The following CHD5 variants were observed in gnomAD, a reference collection of about 807,000 sequenced individuals.
CHD5 encodes the protein ATP-dependent chromatin remodeler CHD5.
A neutral mutation model predicts 230.3 loss-of-function variants in CHD5; 69 were observed. The observed-to-expected ratio is 0.30, with a 90% CI of 0.25 to 0.37. The LOEUF (loss-of-function observed/expected upper bound fraction) is 0.37, where lower values mean the gene tolerates loss of function less well. CHD5 is among the 10% of genes least tolerant of loss of function. The pLI, the probability that CHD5 is intolerant of heterozygous loss-of-function variation, is 1.00. For missense variants in CHD5, 1,827 were observed against 2,622.8 expected (o/e 0.70, Z 6.63); for synonymous variants, 1,064 against 1,065.9 (o/e 1.00, Z 0.03).
rs1666650097 is a variant in CHD5 at position 6,131,111 on chromosome 1, C to T, written c.3262+520G>A. Among the ~76,000 whole-genome samples, 1 of 152,236 alleles carries T rather than the reference C, an allele frequency of 6.6e-6. No homozygotes were observed. Among genetic ancestry groups the T allele is most frequent in the Non-Finnish European group, 1.5e-5 (1 of 68,034 alleles). ...CTGAAGCTTACAGCCGACTGCTTCC[C>T]ACTCCAGAAGTTTCTTTTGCTACAG... On this transcript the variant is annotated intron_variant, in intron 21 of 41. Transcript: ENST00000262450. The surrounding 1 kb of genome is among the most constrained non-coding windows in gnomAD (Gnocchi z 5.0).
At position 6,148,857 on chromosome 1, in the gene CHD5, A is replaced by G; in HGVS notation, c.1380T>C (p.Cys460=). 6.4e-7 allele frequency: 1 copy of G among 1,554,042 alleles called. No homozygotes were observed. Among genetic ancestry groups the G allele is most frequent in the Non-Finnish European group, 8.7e-7 (1 of 1,148,798 alleles). Residue 460 remains cysteine, a synonymous_variant, in exon 9 of 42, where the codon TGT becomes TGC. Transcript: ENST00000262450. The part of the protein sequence containing the change: ...IPNGEWLCPR[C]TCPPLKGKVQ... ...GCGGGGCGGGCGGAACACTCACAGTACAGCGCGGGCAGAGCCATTCACCGT... is the reference window on the plus strand; with the variant it reads ...GCGGGGCGGGCGGAACACTCACAGTGCAGCGCGGGCAGAGCCATTCACCGT...
chr1:6,156,030 C>T (rs1359120773), intron 3 of CHD5, among the ~76,000 whole-genome samples: 3 of 152,198 alleles, frequency 2.0e-5, no homozygotes, highest in Non-Finnish European at 4.4e-5. Flanking sequence ...CAGGTGTGGG[C>T]AAGGAGACTG....
At chr1:6,141,362 T>A (rs1666825985) in intron 15 of CHD5, among the ~76,000 whole-genome samples, 1 of 151,550 alleles carries the variant, frequency 6.6e-6, no homozygotes, top group Non-Finnish European at 1.5e-5. Context: ...ACTCCTGCAA[T>A]CCCAGCACTT....
Position 6,105,398 on chromosome 1 carries a change from T to C in CHD5, c.*76A>G. 1 of 470,718 alleles carries C rather than the reference T, an allele frequency of 2.1e-6. No individual in the cohort carries two copies. The highest frequency in any genetic ancestry group is 4.4e-6 in the Non-Finnish European group (1 of 226,926). 29.2% of individuals were successfully genotyped at this position (470,718 alleles called of 1,614,324 possible). A position where few individuals can be genotyped will look rare whatever the true frequency, so the allele number is the denominator to read the frequency against. ...AAGGTGGCAGCTTTTCTCTCCCATG[T>C]GGGTCGGGCAGGTGGCCCGGCAGGC... On this transcript the variant is annotated 3_prime_UTR_variant, in exon 42 of 42. Transcript: ENST00000262450. This position sits in a 1 kb window ranked among gnomAD's most constrained non-coding sequence, Gnocchi z 4.8.
chr1:6,152,261 G>A, intron 6 of CHD5, 151 bp downstream of exon 6: 1 of 809,658 alleles, frequency 1.2e-6, no homozygotes, highest in Non-Finnish European at 1.9e-6. Context: ...CAGCACACCT[G>A]CATGTAGGAT....
intron 38 of CHD5, among the ~76,000 whole-genome samples, chr1:6,107,645 A>ATGGAGGGATGG (rs1666210214): frequency 7.7e-6 from 1 of 129,286 alleles, no homozygotes; most frequent in Non-Finnish European, 1.6e-5. Context: ...TGGAGGGATG[A>ATGGAGGGATGG]AGGGATGATG....
At chr1:6,116,317 G>A (rs1666377645) in intron 33 of CHD5, among the ~76,000 whole-genome samples, 1 of 152,112 alleles carries the variant, frequency 6.6e-6, no homozygotes, top group South Asian at 2.1e-4. Context: ...AGGAATTCCA[G>A]AAGGACAAAA....
chr1:6,105,443 CA>C lies in CHD5; in HGVS notation c.*47-17del. The C allele has an allele frequency of 2.1e-6, 1 of 470,356 alleles. No homozygotes were observed. The highest frequency in any genetic ancestry group is 4.4e-6 in the Non-Finnish European group (1 of 226,822). 29.1% of individuals were successfully genotyped at this position (470,356 alleles called of 1,614,324 possible). A position where few individuals can be genotyped will look rare whatever the true frequency, so the allele number is the denominator to read the frequency against. Reference sequence around the variant, plus strand: ...GCAGGCGTGGCTGCAAAACGCAAATCAGTGGGTTAAGCAGGTGGGCAGTTAT... The same window carrying C: ...GCAGGCGTGGCTGCAAAACGCAAATCGTGGGTTAAGCAGGTGGGCAGTTAT... On this transcript the variant is annotated splice_polypyrimidine_tract_variant and intron_variant, in intron 41 of 41. Transcript: ENST00000262450. This position sits in a 1 kb window ranked among gnomAD's most constrained non-coding sequence, Gnocchi z 4.8.
At chr1:6,127,975 TGGACACAGTGGGGG>T in intron 25 of CHD5, 57 bp downstream of exon 25, 1 of 1,206,578 alleles carries the variant, frequency 8.3e-7, no homozygotes, top group Non-Finnish European at 1.1e-6. Flanking sequence ...GTGGAAGGCG[TGGACACAGTGGGGG>T]GCGGGGCTGC....
In CHD5 at chr1:6,125,980, A is replaced by G; in HGVS notation, c.4079-122T>C. ...CCCAGCTCCATAAAAAAGCAGTGAC[A>G]ATGGCCCACATACTTCCTGTGGGCT... On this transcript the variant is annotated intron_variant, in intron 26 of 41. Coordinates refer to ENST00000262450, the MANE Select transcript of CHD5 (RefSeq NM_015557.3). The surrounding 1 kb of genome is among the most constrained non-coding windows in gnomAD (Gnocchi z 6.7). 1 of 704,628 alleles carries G rather than the reference A, an allele frequency of 1.4e-6. No individual in the cohort carries two copies. 43.6% of individuals were successfully genotyped at this position (704,628 alleles called of 1,614,324 possible).
chr1:6,109,915 G>T lies in CHD5; in HGVS notation c.5458C>A (p.His1820Asn). 6.2e-7 allele frequency: 1 copy of T among 1,609,944 alleles called. No individual in the cohort carries two copies. Among genetic ancestry groups the T allele is most frequent in the South Asian group, 1.1e-5 (1 of 90,674 alleles). Residue 1820 changes from histidine to asparagine, a missense_variant, in exon 38 of 42, where the codon CAC becomes AAC. Physicochemically the swap from His to Asn is moderately conservative, Grantham distance 68. Transcript: ENST00000262450. The stretch of plus-strand genomic sequence containing the variant: ...CGGGCGTTGAGGGCCATGGCGGGGT[G>T]GTTGGGGTCCTGCGTCATGTTCAGG... ...AYLNMTQDPN[H>N]PAMALNARLA...
chr1:6,104,452 C>T lies in CHD5; in HGVS notation c.*1022G>A, dbSNP rs376157288. On this transcript the variant is annotated 3_prime_UTR_variant, in exon 42 of 42. Coordinates refer to ENST00000262450, the MANE Select transcript of CHD5 (RefSeq NM_015557.3). Reference sequence around the variant, plus strand: ...CCCCAGGGGCAGCCCGGTTCCACCTCCGGAGGTGGGCAGGGTAGGCATCCC... The same window carrying T: ...CCCCAGGGGCAGCCCGGTTCCACCTTCGGAGGTGGGCAGGGTAGGCATCCC... 1.3e-5 allele frequency: 2 copies of T among 151,852 alleles called. No homozygotes were observed. The highest frequency in any genetic ancestry group is 4.9e-5 in the African/African-American group (2 of 41,200). The allele number at this position is 151,852 out of a possible 1,614,324, so 9.4% of individuals were successfully genotyped here. A position where few individuals can be genotyped will look rare whatever the true frequency, so the allele number is the denominator to read the frequency against.
rs368370789 is a variant in CHD5, at chr1:6,127,000, C to T, written c.3904-254G>A. The T allele has an allele frequency of 3.7e-6, 2 of 538,810 alleles. No individual in the cohort carries two copies. Among genetic ancestry groups the T allele is most frequent in the Non-Finnish European group, 3.3e-6 (1 of 298,880 alleles). The allele number at this position is 538,810 out of a possible 1,614,324, so 33.4% of individuals were successfully genotyped here. On this transcript the variant is annotated intron_variant, in intron 25 of 41. Transcript: ENST00000262450. This position sits in a 1 kb window ranked among gnomAD's most constrained non-coding sequence, Gnocchi z 5.7. Reference sequence around the variant, plus strand: ...AAGTATTTCCTCGCCTCCTGTCAAGCACTGAGGTACTGAGTTGAATAAGCT... The same window carrying T: ...AAGTATTTCCTCGCCTCCTGTCAAGTACTGAGGTACTGAGTTGAATAAGCT...
intron 1 of CHD5, among the ~76,000 whole-genome samples, chr1:6,171,855 C>T (rs957338527): frequency 6.6e-6 from 1 of 152,236 alleles, no homozygotes; most frequent in African/African-American, 2.4e-5. Context: ...CAGCTCCTGG[C>T]CCCTCGTGGC....
At chr1:6,178,471 C>T (rs878897896) in intron 1 of CHD5, among the ~76,000 whole-genome samples, 2 of 152,158 alleles carry the variant, frequency 1.3e-5, no homozygotes, top group Admixed American at 1.3e-4. Context: ...AACCAGTAAA[C>T]TGGCTTACTG....
At chr1:6,133,111 C>A (rs1666684466) in intron 20 of CHD5, among the ~76,000 whole-genome samples, 1 of 152,186 alleles carries the variant, frequency 6.6e-6, no homozygotes, top group Non-Finnish European at 1.5e-5. Flanking sequence ...TCTCAGCATT[C>A]ACTTTTGTAT....
rs773640506 is a variant in CHD5, at chr1:6,105,748, T to C, written c.*47-321A>G. On this transcript the variant is annotated intron_variant, in intron 41 of 41. Transcript: ENST00000262450. This position sits in a 1 kb window ranked among gnomAD's most constrained non-coding sequence, Gnocchi z 4.8. The stretch of plus-strand genomic sequence containing the variant: ...GGCCCCAGAGAAGACCAGAATGAAC[T>C]GGCAGTTTCTCTGAAATAAGCCCCC... Among the ~76,000 whole-genome samples, 1 of 152,168 alleles carries C rather than the reference T, an allele frequency of 6.6e-6. No homozygotes were observed. The highest frequency in any genetic ancestry group is 1.9e-4 in the East Asian group (1 of 5,186).
chr1:6,175,391 A>G (rs1318860293), intron 1 of CHD5, among the ~76,000 whole-genome samples: 1 of 144,536 alleles, frequency 6.9e-6, no homozygotes, highest in Non-Finnish European at 1.5e-5. Flanking sequence ...GGATGGATGC[A>G]TGGATGGATG....
Position 6,127,946 on chromosome 1 carries a change from G to A in CHD5, c.3903+100C>T, listed in dbSNP as rs913206795. ...GTCACAGCTTGGAGGGCTGGCTGCG[G>A]CGGGAGGGCGGGGTCACAGTGGAAG... On this transcript the variant is annotated intron_variant, in intron 25 of 41. Transcript: ENST00000262450. 24 of 1,070,800 alleles carry A rather than the reference G, an allele frequency of 2.2e-5. No homozygotes were observed. The Admixed American group carries it at 5.5e-4, about 25-fold the overall frequency. 66.3% of individuals were successfully genotyped at this position (1,070,800 alleles called of 1,614,324 possible).
Sources: gnomAD v4.1 joint callset for allele counts (sites outside exome capture counted in the v4.1 genomes callset) on GRCh38, gnomAD v4.1.1 for gene constraint, Gnocchi (gnomAD v3.1) non-coding constraint, MANE v1.5 for transcripts, NCBI Gene and HGNC (gene_info 2026-07-23, HGNC 2026-07-21) for gene names.